SLC35F3: variants seen among roughly 807,000 people sequenced by gnomAD.
SLC35F3 encodes the protein solute carrier family 35 member F3.
Under a neutral mutation model 49.9 loss-of-function variants are expected in SLC35F3, and 25 were observed. That is an observed-to-expected ratio of 0.50 (90% CI 0.37 to 0.70). The LOEUF is 0.70. SLC35F3 is among the 30% of genes least tolerant of loss of function. The pLI is 0.00. For missense variants in SLC35F3, 525 were observed against 639.8 expected, an observed-to-expected ratio of 0.82 and a Z score of 1.94; for synonymous variants, 275 against 265.4, an observed-to-expected ratio of 1.04 and a Z score of -0.35.
chr1:234,180,064 C>G (rs12064176), intron 2 of SLC35F3, among the ~76,000 whole-genome samples: 18 of 152,074 alleles, frequency 1.2e-4, no homozygotes, highest in African/African-American at 4.3e-4. Flanking sequence ...TTTTTGTAAC[C>G]CACTGCCAAC....
In SLC35F3 at chr1:233,951,315, A is replaced by T. The variant is rs371525493; in HGVS notation, c.283+45557A>T. On this transcript the variant is annotated intron_variant, in intron 2 of 7. Transcript: ENST00000366618. Reference sequence around the variant, plus strand: ...AGTGTAGCCTAAGTGTACAGTGTTTATAAAGTCTCCAGTAGTGTACAGTAA... The same window carrying T: ...AGTGTAGCCTAAGTGTACAGTGTTTTTAAAGTCTCCAGTAGTGTACAGTAA... 8.5e-5 allele frequency among the ~76,000 whole-genome samples: 13 copies of T among 152,074 alleles called. No homozygotes were observed. In the South Asian group the frequency reaches 1.5e-3, roughly 17 times the overall value.
At chr1:234,293,412 G>C (rs1470211696) in intron 3 of SLC35F3, among the ~76,000 whole-genome samples, 2 of 152,164 alleles carry the variant, frequency 1.3e-5, no homozygotes, top group African/African-American at 2.4e-5. Context: ...CAAAAACAAG[G>C]ATAACTTTCT....
chr1:234,078,390 A>AT lies in SLC35F3; in HGVS notation c.284-153026dup, dbSNP rs147486843. ...ATTCCACTCCAGCTGGCTTCTGGGC[A>AT]TGTTATTCCACCAAATCTCACTTCA... On this transcript the variant is annotated intron_variant, in intron 2 of 7. Coordinates refer to ENST00000366618, the MANE Select transcript of SLC35F3 (RefSeq NM_173508.4). Among the ~76,000 whole-genome samples, 203 of 152,148 alleles carry AT rather than the reference A, an allele frequency of 1.3e-3. 1 individual carries two copies. Among genetic ancestry groups the AT allele is most frequent in the African/African-American group, 4.8e-3 (198 of 41,490 alleles).
intron 2 of SLC35F3, among the ~76,000 whole-genome samples, chr1:233,913,181 G>T (rs1661910517): frequency 6.6e-6 from 1 of 152,182 alleles, no homozygotes; most frequent in Admixed American, 6.5e-5. Context: ...TGCATTCCAA[G>T]CAAAGGGACA....
At position 234,093,455 on chromosome 1, in the gene SLC35F3, C is replaced by CTTTTG. The variant is rs551238722; in HGVS notation, c.284-137957_284-137953dup. On this transcript the variant is annotated intron_variant, in intron 2 of 7. Coordinates refer to ENST00000366618, the MANE Select transcript of SLC35F3 (RefSeq NM_173508.4). ...GAGGCACCATCACCCTACCTTGAGGCTTTTGTTTTCCAGCCCTGCTCTCTG... is the reference window on the plus strand; with the variant it reads ...GAGGCACCATCACCCTACCTTGAGGCTTTTGTTTTGTTTTCCAGCCCTGCTCTCTG... 1.2e-4 allele frequency among the ~76,000 whole-genome samples: 19 copies of CTTTTG among 152,312 alleles called. No homozygotes were observed. The South Asian group carries it at 3.9e-3, about 32-fold the overall frequency.
At chr1:234,272,791 T>C (rs537998241) in intron 3 of SLC35F3, among the ~76,000 whole-genome samples, 2 of 152,332 alleles carry the variant, frequency 1.3e-5, no homozygotes, top group African/African-American at 2.4e-5. Flanking sequence ...TGGTTCCACA[T>C]GTCCTCTTGG....
intron 2 of SLC35F3, among the ~76,000 whole-genome samples, chr1:234,053,857 C>T (rs991370766): frequency 2.0e-5 from 3 of 152,170 alleles, no homozygotes; most frequent in Non-Finnish European, 2.9e-5. Context: ...AATCTCTGAG[C>T]ATTTGCTTGT....
intron 2 of SLC35F3, among the ~76,000 whole-genome samples, chr1:233,945,477 G>A (rs1662498974): frequency 6.6e-6 from 1 of 152,238 alleles, no homozygotes; most frequent in Non-Finnish European, 1.5e-5. Flanking sequence ...AAGATGTTCT[G>A]TAATGGGGAT....
At chr1:233,992,525 C>A (rs6672824) in intron 2 of SLC35F3, among the ~76,000 whole-genome samples, 42,080 of 152,014 alleles carry the variant, frequency 0.28, 6,069 homozygotes, top group East Asian at 0.49. Context: ...AATCTGTTCC[C>A]ATGAGAACTA....
chr1:234,214,832 A>C lies in SLC35F3; in HGVS notation c.284-16585A>C. On this transcript the variant is annotated intron_variant, in intron 2 of 7. Coordinates refer to ENST00000366618, the MANE Select transcript of SLC35F3 (RefSeq NM_173508.4). This position sits in a 1 kb window ranked among gnomAD's most constrained non-coding sequence, Gnocchi z 8.0. ...CTCCCCAACCCTCTCCTTCCTGGGCAGCACCCAGCGCATCTGGCAGCAGCT... is the reference window on the plus strand; with the variant it reads ...CTCCCCAACCCTCTCCTTCCTGGGCCGCACCCAGCGCATCTGGCAGCAGCT... 1 of 429,786 alleles carries C rather than the reference A, an allele frequency of 2.3e-6. No individual in the cohort carries two copies. 26.6% of individuals were successfully genotyped at this position (429,786 alleles called of 1,614,324 possible).
chr1:234,282,058 G>A (rs1668335634), intron 3 of SLC35F3, among the ~76,000 whole-genome samples: 1 of 152,130 alleles, frequency 6.6e-6, no homozygotes, highest in African/African-American at 2.4e-5. Context: ...TGTGGAGTGA[G>A]CTGCCAGATG....
At chr1:234,127,099 C>T (rs1665659377) in intron 2 of SLC35F3, among the ~76,000 whole-genome samples, 1 of 152,198 alleles carries the variant, frequency 6.6e-6, no homozygotes, top group Admixed American at 6.5e-5. Flanking sequence ...CCTGGAGAAT[C>T]ATCCATTTCG....
Position 234,151,988 on chromosome 1 carries a change from C to A in SLC35F3, c.284-79429C>A, listed in dbSNP as rs188454988. ...CCTTCAATATTTGTCACCTTCTCTC[C>A]CTTTTTTTTTATCATTTCATTTCAT... On this transcript the variant is annotated intron_variant, in intron 2 of 7. Transcript: ENST00000366618. Among the ~76,000 whole-genome samples the A allele has an allele frequency of 7.9e-3, 1,110 of 140,734 alleles. 20 individuals are homozygous for A. The highest frequency in any genetic ancestry group is 0.027 in the African/African-American group (1,001 of 37,324). 92.3% of individuals were successfully genotyped at this position (140,734 alleles called of 152,430 possible).
rs1004856658 is a variant in SLC35F3 at position 233,905,438 on chromosome 1, T to C, written c.54-91T>C. 9.9e-6 allele frequency: 10 copies of C among 1,010,206 alleles called. No individual in the cohort carries two copies. The African/African-American group carries it at 1.4e-4, about 15-fold the overall frequency. The allele number at this position is 1,010,206 out of a possible 1,614,324, so 62.6% of individuals were successfully genotyped here. A position where few individuals can be genotyped will look rare whatever the true frequency, so the allele number is the denominator to read the frequency against. ...CGGAGGGCCCCGGCCGCGCTCTTGC[T>C]CTCGCCCTGGGATCTGCTCCTCACG... On this transcript the variant is annotated intron_variant, in intron 1 of 7. Coordinates refer to ENST00000366618, the MANE Select transcript of SLC35F3 (RefSeq NM_173508.4).
chr1:234,245,406 T>G (rs115899274), intron 3 of SLC35F3, among the ~76,000 whole-genome samples: 2,013 of 152,388 alleles, frequency 0.013, 15 homozygotes, highest in Non-Finnish European at 0.019. Flanking sequence ...TCTTGGCTGT[T>G]GTGAATAGTG....
chr1:233,915,927 A>C (rs550788699), intron 2 of SLC35F3, among the ~76,000 whole-genome samples: 6 of 152,324 alleles, frequency 3.9e-5, no homozygotes, highest in African/African-American at 1.4e-4. Flanking sequence ...GTGGGAATTC[A>C]AGATGAGATT....
At chr1:234,026,499 T>A (rs77284567) in intron 2 of SLC35F3, among the ~76,000 whole-genome samples, 4,629 of 152,292 alleles carry the variant, frequency 0.03, 216 homozygotes, top group African/African-American at 0.1. Context: ...GTGCTCAGTG[T>A]CCTTAGCACA....
chr1:234,049,856 C>T (rs1234975610), intron 2 of SLC35F3, among the ~76,000 whole-genome samples: 1 of 152,142 alleles, frequency 6.6e-6, no homozygotes, highest in Non-Finnish European at 1.5e-5. Context: ...TCTCATTGTT[C>T]AATTCCCACC....
At chr1:234,020,555 AG>A (rs1363264117) in intron 2 of SLC35F3, among the ~76,000 whole-genome samples, 2 of 151,742 alleles carry the variant, frequency 1.3e-5, no homozygotes, top group Non-Finnish European at 1.5e-5. Context: ...CTAAACTGGC[AG>A]TGGGATAAAT....
Sources: allele counts gnomAD v4.1 joint callset (sites outside exome capture counted in the v4.1 genomes callset), GRCh38; gene constraint gnomAD v4.1.1; non-coding constraint Gnocchi (gnomAD v3.1); transcripts MANE v1.5; gene names NCBI Gene and HGNC (gene_info 2026-07-23, HGNC 2026-07-21).